The following TRHDE variants were observed in gnomAD, a reference collection of about 807,000 sequenced individuals.
The protein encoded by TRHDE is thyrotropin releasing hormone degrading enzyme.
In TRHDE, 72 loss-of-function variants were observed where a neutral mutation model predicts 125.7. The observed-to-expected ratio is 0.57, with a 90% CI of 0.47 to 0.70. The LOEUF is 0.70. Ranked by LOEUF, TRHDE falls within the 30% of genes least tolerant of loss-of-function variation. TRHDE has a pLI of 0.00. For missense variants in TRHDE, 1,110 were observed against 1,327.1 expected, an observed-to-expected ratio of 0.84 and a Z score of 2.54; for synonymous variants, 509 against 509.1, an observed-to-expected ratio of 1.00 and a Z score of 0.00.
At chr12:72,161,687 A>T (rs114713559) in intron 2 of TRHDE, among the ~76,000 whole-genome samples, 1 of 152,184 alleles carries the variant, frequency 6.6e-6, no homozygotes, top group Non-Finnish European at 1.5e-5. Flanking sequence ...TTGAGAACAT[A>T]TCCTGCTTTG....
chr12:72,124,577 A>G lies in TRHDE; in HGVS notation n.279+18825A>G, dbSNP rs114113414. ...TAAAGTCTGATAATGTCAAGGATCT[A>G]CATTTTATGGTATTATCTATGTAAT... On this transcript the variant is annotated intron_variant and non_coding_transcript_variant, in intron 2 of 4. Transcript: ENST00000548156. 2.0e-3 allele frequency among the ~76,000 whole-genome samples: 305 copies of G among 152,314 alleles called. 2 individuals are homozygous for G. Among genetic ancestry groups the G allele is most frequent in the African/African-American group, 7.1e-3 (296 of 41,584 alleles).
At chr12:72,419,678 C>T (rs1873872378) in intron 3 of TRHDE, among the ~76,000 whole-genome samples, 1 of 152,128 alleles carries the variant, frequency 6.6e-6, no homozygotes, top group African/African-American at 2.4e-5. Flanking sequence ...CCACATCCAA[C>T]ATTAGGGATT....
intron 6 of TRHDE, among the ~76,000 whole-genome samples, chr12:72,510,185 T>C (rs183795485): frequency 5.9e-5 from 9 of 152,106 alleles, no homozygotes; most frequent in African/African-American, 2.2e-4. Context: ...TCTAAACAGG[T>C]CCTTCTTAGA....
At chr12:72,200,389 C>A (rs992764170) in intron 2 of TRHDE, among the ~76,000 whole-genome samples, 2 of 152,120 alleles carry the variant, frequency 1.3e-5, no homozygotes, top group South Asian at 2.1e-4. Context: ...CATAAGAGGG[C>A]TCCATTTAGT....
intron 2 of TRHDE, among the ~76,000 whole-genome samples, chr12:72,138,259 C>T (rs1046417892): frequency 3.3e-5 from 5 of 152,056 alleles, no homozygotes; most frequent in African/African-American, 4.8e-5. Context: ...CCTGTAGTGC[C>T]AGCTACTCCG....
chr12:72,115,491 A>G (rs144232108), intron 2 of TRHDE, among the ~76,000 whole-genome samples: 10 of 152,266 alleles, frequency 6.6e-5, no homozygotes, highest in Non-Finnish European at 1.2e-4. Flanking sequence ...GCTATTGTGA[A>G]TAGTGCTACA....
chr12:72,242,379 C>A (rs1592497089), intron 2 of TRHDE, among the ~76,000 whole-genome samples: 1 of 152,296 alleles, frequency 6.6e-6, no homozygotes, highest in Admixed American at 6.5e-5. Flanking sequence ...GGCCAAGCCT[C>A]AAGAAGCTAG....
intron 15 of TRHDE, among the ~76,000 whole-genome samples, chr12:72,640,106 G>A (rs374253128): frequency 2.6e-5 from 4 of 152,172 alleles, no homozygotes; most frequent in East Asian, 3.9e-4. Context: ...CCCCAGCCTC[G>A]CTGCCGCCTT....
intron 6 of TRHDE, among the ~76,000 whole-genome samples, chr12:72,511,903 T>G (rs191566066): frequency 6.6e-6 from 1 of 152,314 alleles, no homozygotes; most frequent in Admixed American, 6.5e-5. Context: ...GGTTATTGAA[T>G]AGAGTAAGGA....
chr12:72,132,270 C>T (rs114076292), intron 2 of TRHDE, among the ~76,000 whole-genome samples: 5,286 of 151,982 alleles, frequency 0.035, 163 homozygotes, highest in African/African-American at 0.084. Context: ...TAGTAGTTAA[C>T]AGCACTTGAA....
At chr12:72,452,503 C>T (rs1254424587) in intron 3 of TRHDE, among the ~76,000 whole-genome samples, 5 of 152,068 alleles carry the variant, frequency 3.3e-5, no homozygotes, top group African/African-American at 1.2e-4. Context: ...GTGTGGGCAT[C>T]CTTGTCTTGT....
Position 72,272,815 on chromosome 12 carries a change from AG to A in TRHDE, c.177del (p.Leu60SerfsTer131). The A allele has an allele frequency of 1.3e-6, 2 of 1,573,376 alleles. No individual in the cohort carries two copies. The highest frequency in any genetic ancestry group is 1.7e-6 in the Non-Finnish European group (2 of 1,163,942). On this transcript the variant is annotated frameshift_variant, in exon 1 of 19. Transcript: ENST00000261180. LOFTEE classifies it high-confidence loss of function. This position sits in a 1 kb window ranked among gnomAD's most constrained non-coding sequence, Gnocchi z 6.7. ...EDDAALRAGSRGLSDPWADSV... is the reference protein window; with the variant it reads ...EDDAALRAGSXGLSDPWADSV... ...CGACGCCGCGCTTCGGGCTGGCAGC[AG>A]GGGGCTCTCCGACCCGTGGGCAGAC...
chr12:72,654,666 C>G (rs147633126), intron 17 of TRHDE, among the ~76,000 whole-genome samples: 8 of 152,242 alleles, frequency 5.3e-5, no homozygotes, highest in Middle Eastern at 3.4e-3. Flanking sequence ...ACCAATTGCT[C>G]AAGCCCAACA....
chr12:72,589,443 CCAT>C (rs1871579294), intron 12 of TRHDE, among the ~76,000 whole-genome samples: 1 of 152,044 alleles, frequency 6.6e-6, no homozygotes, highest in Non-Finnish European at 1.5e-5. Context: ...ACCCATCAAC[CCAT>C]CATCTAGGTT....
At chr12:72,386,378 C>G (rs1484484453) in intron 3 of TRHDE, among the ~76,000 whole-genome samples, 1 of 152,148 alleles carries the variant, frequency 6.6e-6, no homozygotes. Flanking sequence ...GCTGTTTCCC[C>G]TATTACTATG....
chr12:72,241,022 G>T (rs943287897), intron 2 of TRHDE, among the ~76,000 whole-genome samples: 1 of 144,400 alleles, frequency 6.9e-6, no homozygotes. Context: ...TGTGCCTATA[G>T]TGATCACTGG....
chr12:72,163,722 G>A (rs976648698), intron 2 of TRHDE, among the ~76,000 whole-genome samples: 3 of 152,132 alleles, frequency 2.0e-5, no homozygotes, highest in Non-Finnish European at 4.4e-5. Flanking sequence ...TTGAGATGCC[G>A]TACATTTTTG....
Position 72,562,176 on chromosome 12 carries a change from C to G in TRHDE, c.1800C>G (p.Thr600=). Residue 600 remains threonine (T), a synonymous_variant, in exon 8 of 19, where the codon ACC becomes ACG. Transcript: ENST00000261180. ...TTATATTCTTGTAGGATTATTTAACCATTCATAAGTATGGTAATGCAGCCA... is the reference window on the plus strand; with the variant it reads ...TTATATTCTTGTAGGATTATTTAACGATTCATAAGTATGGTAATGCAGCCA... ...VFQRGLQDYL[T]IHKYGNAARN... is the part of the protein sequence containing the mutation. 6.6e-7 allele frequency: 1 copy of G among 1,520,798 alleles called. No homozygotes were observed. Among genetic ancestry groups the G allele is most frequent in the Non-Finnish European group, 9.1e-7 (1 of 1,102,194 alleles). The allele number at this position is 1,520,798 out of a possible 1,614,324, so 94.2% of individuals were successfully genotyped here.
At chr12:72,104,861 C>T (rs925988788) in intron 1 of TRHDE, among the ~76,000 whole-genome samples, 6 of 152,168 alleles carry the variant, frequency 3.9e-5, no homozygotes, top group African/African-American at 1.4e-4. Context: ...ACATTTTGAA[C>T]CAAGAAGTAG....
Sources: allele counts gnomAD v4.1 joint callset (sites outside exome capture counted in the v4.1 genomes callset), GRCh38; gene constraint gnomAD v4.1.1; non-coding constraint Gnocchi (gnomAD v3.1); transcripts MANE v1.5; gene names NCBI Gene and HGNC (gene_info 2026-07-23, HGNC 2026-07-21).